The following CHD9 variants were observed in gnomAD, a reference collection of about 807,000 sequenced individuals.
CHD9 encodes chromodomain helicase DNA binding protein 9.
In CHD9, 77 loss-of-function variants were observed where a neutral mutation model predicts 316.1. The ratio of observed to expected loss-of-function variants is 0.24; its 90% confidence interval spans 0.20 to 0.29. The LOEUF is 0.29. CHD9 is among the 10% of genes least tolerant of loss of function. CHD9 has a pLI of 1.00. For synonymous variants in CHD9, 1,129 were observed against 1,158.3 expected, an observed-to-expected ratio of 0.97 and a Z score of 0.51; for missense variants, 2,763 against 3,438.1, an observed-to-expected ratio of 0.80 and a Z score of 4.91.
chr16:53,289,074 C>T (rs1056760183), intron 27 of CHD9, among the ~76,000 whole-genome samples: 23 of 151,604 alleles, frequency 1.5e-4, no homozygotes, highest in Non-Finnish European at 4.4e-5. Flanking sequence ...TGTTAGCATG[C>T]AATAAAGAGT....
chr16:53,232,887 A>G (rs1249355793), intron 10 of CHD9, among the ~76,000 whole-genome samples: 3 of 152,186 alleles, frequency 2.0e-5, no homozygotes, highest in Non-Finnish European at 4.4e-5. Flanking sequence ...TCCATGTACA[A>G]TTACTATACA....
At position 53,181,867 on chromosome 16, in the gene CHD9, G is replaced by A. The variant is rs557711045; in HGVS notation, c.1452+24326G>A. Among the ~76,000 whole-genome samples, 23 of 152,270 alleles carry A rather than the reference G, an allele frequency of 1.5e-4. No homozygotes were observed. The South Asian group carries it at 4.8e-3, about 32-fold the overall frequency. On this transcript the variant is annotated intron_variant, in intron 2 of 38. Transcript: ENST00000447540. ...GGCCGAGCTGGGCGAATCACCTAGG[G>A]TCAAGAGTTTGAGACCAGCCTGGCC...
rs375124753 is a variant in CHD9, at chr16:53,156,077, C to G, written c.-13C>G. On this transcript the variant is annotated 5_prime_UTR_variant, in exon 2 of 39. Transcript: ENST00000447540. The stretch of plus-strand genomic sequence containing the variant: ...TTGGAGTGAACAGCCCGGATTGTTA[C>G]AGAATTTTCAAGATGACAGATCCAA... 4.0e-5 allele frequency: 64 copies of G among 1,605,148 alleles called. No individual in the cohort carries two copies. Among genetic ancestry groups the G allele is most frequent in the Middle Eastern group, 3.3e-4 (2 of 6,038 alleles).
At chr16:53,239,442 T>A (rs552573102) in intron 12 of CHD9, among the ~76,000 whole-genome samples, 7 of 152,222 alleles carry the variant, frequency 4.6e-5, no homozygotes, top group African/African-American at 1.7e-4. Context: ...AAATATTTTT[T>A]AAAAAAGAAA....
chr16:53,156,683 T>C lies in CHD9; in HGVS notation c.594T>C (p.Asn198=). The C allele has an allele frequency of 6.2e-7, 1 of 1,613,988 alleles. No homozygotes were observed. The highest frequency in any genetic ancestry group is 1.6e-4 in the Middle Eastern group (1 of 6,062). The change falls in exon 2 of 39, where the codon AAT becomes AAC. Residue 198 remains asparagine (N), a synonymous_variant. Transcript: ENST00000447540. ...PGQNSLSQSK[N]FMNVSGPHRV... is the part of the protein sequence containing the mutation. ...AGAATTCTCTTAGCCAGTCTAAAAA[T>C]TTTATGAATGTTTCTGGTCCACATA...
intron 34 of CHD9, 61 bp downstream of exon 34, chr16:53,308,915 T>G (rs1718629311): frequency 3.1e-6 from 4 of 1,305,522 alleles, no homozygotes; most frequent in Non-Finnish European, 4.3e-6. Flanking sequence ...CCAAATCTTC[T>G]TTTATAGATG....
chr16:53,090,311 G>A (rs1307293826), intron 1 of CHD9, among the ~76,000 whole-genome samples: 2 of 152,202 alleles, frequency 1.3e-5, no homozygotes, highest in Non-Finnish European at 2.9e-5. Flanking sequence ...GAAGGATGGG[G>A]CTGAGCTGAT....
chr16:53,274,090 CA>C (rs2052557247), intron 23 of CHD9, 122 bp from the exon 24 acceptor site: 5 of 690,384 alleles, frequency 7.2e-6, no homozygotes, highest in Non-Finnish European at 1.3e-5. Flanking sequence ...TTCATTTAAT[CA>C]GAAGTAATAT....
intron 24 of CHD9, among the ~76,000 whole-genome samples, chr16:53,278,640 T>C (rs1353326930): frequency 8.5e-5 from 13 of 152,152 alleles, no homozygotes. Context: ...ATCCAGAATC[T>C]ACAATGAACT....
chr16:53,250,119 G>T, intron 17 of CHD9, 53 bp downstream of exon 17: 2 of 1,322,122 alleles, frequency 1.5e-6, no homozygotes, highest in Non-Finnish European at 2.1e-6. Context: ...AAGTAAAATT[G>T]TGTAACTTTT....
intron 34 of CHD9, among the ~76,000 whole-genome samples, chr16:53,312,956 T>C (rs1251786872): frequency 6.6e-6 from 1 of 152,184 alleles, no homozygotes; most frequent in African/African-American, 2.4e-5. Flanking sequence ...TAATAATACA[T>C]CCTTTTAATA....
chr16:53,161,556 T>C (rs745592442), intron 2 of CHD9, among the ~76,000 whole-genome samples: 2 of 152,212 alleles, frequency 1.3e-5, no homozygotes, highest in South Asian at 2.1e-4. Context: ...TGTATAAAAG[T>C]TAACAGATTT....
chr16:53,170,063 G>GT (rs375309283), intron 2 of CHD9, among the ~76,000 whole-genome samples: 75 of 132,022 alleles, frequency 5.7e-4, no homozygotes, highest in African/African-American at 1.4e-3. Flanking sequence ...TTTTTTGTTT[G>GT]TTTTTTTTTG....
At chr16:53,256,381 C>CTTTTTTTTTTTTTTT (rs1163977563) in intron 19 of CHD9, among the ~76,000 whole-genome samples, 83 of 99,254 alleles carry the variant, frequency 8.4e-4, no homozygotes, top group African/African-American at 2.0e-3. Flanking sequence ...TTTTTCTTTT[C>CTTTTTTTTTTTTTTT]TTTTTTTTTT....
intron 2 of CHD9, among the ~76,000 whole-genome samples, chr16:53,184,777 G>A (rs1309437319): frequency 1.3e-5 from 2 of 152,132 alleles, no homozygotes; most frequent in African/African-American, 2.4e-5. Flanking sequence ...GGGACCAAGT[G>A]GAGATATTTG....
At chr16:53,234,786 A>G (rs2048480370) in intron 10 of CHD9, among the ~76,000 whole-genome samples, 2 of 149,002 alleles carry the variant, frequency 1.3e-5, no homozygotes, top group South Asian at 4.3e-4. Flanking sequence ...TTAATTCTCT[A>G]CTTTAAACCC....
intron 1 of CHD9, among the ~76,000 whole-genome samples, chr16:53,128,392 G>C (rs979372435): frequency 6.6e-6 from 1 of 152,128 alleles, no homozygotes; most frequent in African/African-American, 2.4e-5. Flanking sequence ...ATGTTGGTCA[G>C]GCTGGTCTCC....
Position 53,232,859 on chromosome 16 carries a change from T to A in CHD9, c.2511+1075T>A, listed in dbSNP as rs144904504. On this transcript the variant is annotated intron_variant, in intron 10 of 38. Coordinates refer to ENST00000447540, the MANE Select transcript of CHD9 (RefSeq NM_001308319.2). ...ATAACCAGTCCTGTTCTCAGTATACTGATAGCCTGTTTTGTTTTCCATGTA... is the reference window on the plus strand; with the variant it reads ...ATAACCAGTCCTGTTCTCAGTATACAGATAGCCTGTTTTGTTTTCCATGTA... Among the ~76,000 whole-genome samples, 43 of 152,348 alleles carry A rather than the reference T, an allele frequency of 2.8e-4. No homozygotes were observed. In the East Asian group the frequency reaches 8.3e-3, roughly 29 times the overall value.
At chr16:53,171,889 C>G (rs940984723) in intron 2 of CHD9, among the ~76,000 whole-genome samples, 1 of 117,938 alleles carries the variant, frequency 8.5e-6, no homozygotes, top group Non-Finnish European at 1.9e-5. Context: ...CACACACACA[C>G]ACACACACAC....
Sources: gnomAD v4.1 joint callset for allele counts (sites outside exome capture counted in the v4.1 genomes callset) on GRCh38, gnomAD v4.1.1 for gene constraint, MANE v1.5 for transcripts, NCBI Gene and HGNC (gene_info 2026-07-23, HGNC 2026-07-21) for gene names.